The following KCNMB1 variants were observed in gnomAD, a reference collection of about 807,000 sequenced individuals.
The protein encoded by KCNMB1 is calcium-activated potassium channel subunit beta-1.
In KCNMB1, 22 loss-of-function variants were observed where a neutral mutation model predicts 21.7. The ratio of observed to expected loss-of-function variants is 1.01; its 90% confidence interval spans 0.72 to 1.45. The LOEUF is 1.45. Among genes scored for constraint, KCNMB1 ranks in the 40% most tolerant of loss-of-function variants. The pLI, the probability that KCNMB1 is intolerant of heterozygous loss-of-function variation, is 0.00. For synonymous variants in KCNMB1, 114 were observed against 107.6 expected (o/e 1.06, Z -0.37); for missense variants, 243 against 243.4 (o/e 1.00, Z 0.01).
At chr5:170,388,680 G>A (rs1373984940) in intron 1 of KCNMB1, among the ~76,000 whole-genome samples, 1 of 152,182 alleles carries the variant, frequency 6.6e-6, no homozygotes, top group Non-Finnish European at 1.5e-5. Flanking sequence ...GTTTGGTGGG[G>A]TGTGGACAGG....
chr5:170,380,045 C>T (rs12515331), intron 3 of KCNMB1, among the ~76,000 whole-genome samples: 4,016 of 151,942 alleles, frequency 0.026, 116 homozygotes, highest in African/African-American at 0.067. Context: ...TGTTGGCAAG[C>T]GGGTATTTGA....
Position 170,385,945 on chromosome 5 carries a change from C to A in KCNMB1, c.-24-474G>T, listed in dbSNP as rs187342355. Among the ~76,000 whole-genome samples the A allele has an allele frequency of 1.8e-3, 266 of 151,746 alleles. 2 individuals carry two copies. The highest frequency in any genetic ancestry group is 6.1e-3 in the African/African-American group (252 of 41,360). ...CCATCCTGGCTAACATGGTGAAACCCCATCTCTACTAAAAAAAAAAAATAC... is the reference window on the plus strand; with the variant it reads ...CCATCCTGGCTAACATGGTGAAACCACATCTCTACTAAAAAAAAAAAATAC... On this transcript the variant is annotated intron_variant, in intron 1 of 3. Coordinates refer to ENST00000274629, the MANE Select transcript of KCNMB1 (RefSeq NM_004137.4).
intron 2 of KCNMB1, 106 bp from the exon 3 acceptor site, chr5:170,383,956 A>C: frequency 2.6e-6 from 3 of 1,159,592 alleles, no homozygotes; most frequent in Non-Finnish European, 3.7e-6. Flanking sequence ...GGGATCCAGG[A>C]CTGGGATCCT....
chr5:170,374,836 G>A lies in KCNMB1; in HGVS notation c.*3868C>T, dbSNP rs1431676817. On this transcript the variant is annotated 3_prime_UTR_variant, in exon 4 of 4. Transcript: ENST00000274629. ...GTTCTGTGAGCAGCAGACAGTTGTG[G>A]CATTTGCTAGAAGGCCAGTCTTTAT... 1 of 152,178 alleles carries A rather than the reference G, an allele frequency of 6.6e-6. No homozygotes were observed. The highest frequency in any genetic ancestry group is 1.5e-5 in the Non-Finnish European group (1 of 68,040). 9.4% of individuals were successfully genotyped at this position (152,178 alleles called of 1,614,324 possible).
At position 170,376,317 on chromosome 5, in the gene KCNMB1, C is replaced by A. The variant is rs556197589; in HGVS notation, c.*2387G>T. The A allele has an allele frequency of 1.3e-5, 2 of 151,958 alleles. No individual in the cohort carries two copies. Among genetic ancestry groups the A allele is most frequent in the Non-Finnish European group, 2.9e-5 (2 of 68,026 alleles). 9.4% of individuals were successfully genotyped at this position (151,958 alleles called of 1,614,324 possible). ...CTGGGACTACAGGCGGCTACCACCACGCCCGGCTATGATTTTTTCTATTTT... is the reference window on the plus strand; with the variant it reads ...CTGGGACTACAGGCGGCTACCACCAAGCCCGGCTATGATTTTTTCTATTTT... On this transcript the variant is annotated 3_prime_UTR_variant, in exon 4 of 4. Transcript: ENST00000274629.
Position 170,378,664 on chromosome 5 carries a change from C to T in KCNMB1, c.*40G>A, listed in dbSNP as rs112121155. ...AGCAGCCCTGGGGGCCCAGCCAGTC[C>T]CCTGTGCCCTGACAAGTGGTATGGC... is the stretch of plus-strand genomic sequence containing the variant. On this transcript the variant is annotated 3_prime_UTR_variant, in exon 4 of 4. Coordinates refer to ENST00000274629, the MANE Select transcript of KCNMB1 (RefSeq NM_004137.4). 3.0e-4 allele frequency: 461 copies of T among 1,554,430 alleles called. No homozygotes were observed. The highest frequency in any genetic ancestry group is 3.8e-4 in the Non-Finnish European group (441 of 1,152,630).
At chr5:170,382,346 T>G (rs1228465659) in intron 3 of KCNMB1, among the ~76,000 whole-genome samples, 2 of 152,228 alleles carry the variant, frequency 1.3e-5, no homozygotes, top group Non-Finnish European at 2.9e-5. Context: ...TTTTTAAGAC[T>G]CTTACAGGGT....
At chr5:170,385,184 G>A in intron 2 of KCNMB1, 130 bp downstream of exon 2, 1 of 990,334 alleles carries the variant, frequency 1.0e-6, no homozygotes, top group Non-Finnish European at 1.6e-6. Context: ...ACCTAAGAAT[G>A]AGCATCGTCT....
In KCNMB1 at chr5:170,375,513, T is replaced by C; in HGVS notation, c.*3191A>G. On this transcript the variant is annotated 3_prime_UTR_variant, in exon 4 of 4. Coordinates refer to ENST00000274629, the MANE Select transcript of KCNMB1 (RefSeq NM_004137.4). The stretch of plus-strand genomic sequence containing the variant: ...GCAACGCAGCTCCCTGCCTGGCCCC[T>C]GTGGCTTTGAGTGGCTGTGTCCCTC... The C allele has an allele frequency of 6.5e-6, 1 of 153,062 alleles. No individual in the cohort carries two copies. The highest frequency in any genetic ancestry group is 1.5e-5 in the Non-Finnish European group (1 of 68,560). 9.5% of individuals were successfully genotyped at this position (153,062 alleles called of 1,614,324 possible). A position where few individuals can be genotyped will look rare whatever the true frequency, so the allele number is the denominator to read the frequency against.
rs1232407350 is a variant in KCNMB1 at position 170,378,806 on chromosome 5, G to A, written c.474C>T (p.Leu158=). The A allele has an allele frequency of 6.2e-7, 1 of 1,614,254 alleles. No homozygotes were observed. ...GGAAGGTGGGCCAGAAGAGGGAGAAGAGGAGGGCCTGGGGCCCGTAGAGGC... is the reference window on the plus strand; with the variant it reads ...GGAAGGTGGGCCAGAAGAGGGAGAAAAGGAGGGCCTGGGGCCCGTAGAGGC... ...FQRLYGPQAL[L]FSLFWPTFLL... Residue 158 remains leucine (L), a synonymous_variant, in exon 4 of 4, where the codon CTC becomes CTT. Transcript: ENST00000274629.
intron 3 of KCNMB1, among the ~76,000 whole-genome samples, chr5:170,380,475 A>G (rs1344928302): frequency 6.6e-6 from 1 of 152,218 alleles, no homozygotes; most frequent in African/African-American, 2.4e-5. Flanking sequence ...CTGGATTTAT[A>G]TGAGGTGCCA....
At chr5:170,381,547 C>A (rs554204955) in intron 3 of KCNMB1, among the ~76,000 whole-genome samples, 1 of 152,310 alleles carries the variant, frequency 6.6e-6, no homozygotes, top group African/African-American at 2.4e-5. Flanking sequence ...AGCCCACAAC[C>A]CAGCTGCTTG....
At chr5:170,380,416 C>A (rs1288008726) in intron 3 of KCNMB1, among the ~76,000 whole-genome samples, 1 of 152,212 alleles carries the variant, frequency 6.6e-6, no homozygotes, top group Non-Finnish European at 1.5e-5. Context: ...AAAACTGAGA[C>A]CCAAATGGCA....
At chr5:170,380,357 A>T (rs1415452437) in intron 3 of KCNMB1, among the ~76,000 whole-genome samples, 2 of 152,198 alleles carry the variant, frequency 1.3e-5, no homozygotes, top group African/African-American at 4.8e-5. Flanking sequence ...TGATTCCTTC[A>T]TGCACTTAAT....
rs149612826 is a variant in KCNMB1 at position 170,388,596 on chromosome 5, G to A, written c.-25+663C>T. Among the ~76,000 whole-genome samples, 990 of 152,322 alleles carry A rather than the reference G, an allele frequency of 6.5e-3. 13 individuals carry two copies. Among genetic ancestry groups the A allele is most frequent in the African/African-American group, 0.022 (935 of 41,580 alleles). ...ACAAAGGAAGGCAGGACTTTGGAGT[G>A]TCCTGGGTGACCTGATAGCTGGGTC... On this transcript the variant is annotated intron_variant, in intron 1 of 3. Coordinates refer to ENST00000274629, the MANE Select transcript of KCNMB1 (RefSeq NM_004137.4).
rs1764093321 is a variant in KCNMB1 at position 170,378,422 on chromosome 5, A to C, written c.*282T>G. ...GTGGGGCACATAGTGATGCAGCCGGAAACAGGTATGAGTCAGTTGAGTGGG... is the reference window on the plus strand; with the variant it reads ...GTGGGGCACATAGTGATGCAGCCGGCAACAGGTATGAGTCAGTTGAGTGGG... On this transcript the variant is annotated 3_prime_UTR_variant, in exon 4 of 4. Coordinates refer to ENST00000274629, the MANE Select transcript of KCNMB1 (RefSeq NM_004137.4). The C allele has an allele frequency of 2.6e-6, 1 of 378,394 alleles. No homozygotes were observed. The highest frequency in any genetic ancestry group is 4.7e-6 in the Non-Finnish European group (1 of 212,176). The allele number at this position is 378,394 out of a possible 1,614,324, so 23.4% of individuals were successfully genotyped here. A position where few individuals can be genotyped will look rare whatever the true frequency, so the allele number is the denominator to read the frequency against.
chr5:170,379,028 A>G, intron 3 of KCNMB1, 55 bp from the exon 4 acceptor site: 2 of 1,581,930 alleles, frequency 1.3e-6, no homozygotes, highest in Non-Finnish European at 1.7e-6. Context: ...TTCTTAGCCA[A>G]GGGCTTGATA....
chr5:170,385,542 G>A, intron 1 of KCNMB1, 71 bp from the exon 2 acceptor site: 1 of 1,377,910 alleles, frequency 7.3e-7, no homozygotes, highest in Non-Finnish European at 1.0e-6. Flanking sequence ...GAGAGGACAG[G>A]TGAGAGGGGA....
Position 170,377,809 on chromosome 5 carries a change from T to A in KCNMB1, c.*895A>T, listed in dbSNP as rs1241734178. The A allele has an allele frequency of 6.6e-6, 1 of 152,238 alleles. No individual in the cohort carries two copies. The highest frequency in any genetic ancestry group is 1.5e-5 in the Non-Finnish European group (1 of 68,116). The allele number at this position is 152,238 out of a possible 1,614,324, so 9.4% of individuals were successfully genotyped here. A position where few individuals can be genotyped will look rare whatever the true frequency, so the allele number is the denominator to read the frequency against. ...GGATGGTCTTGATCTCCTGACCTCGTGATCCACCAGCCTCGGCCTCCCAAA... is the reference window on the plus strand; with the variant it reads ...GGATGGTCTTGATCTCCTGACCTCGAGATCCACCAGCCTCGGCCTCCCAAA... On this transcript the variant is annotated 3_prime_UTR_variant, in exon 4 of 4. Transcript: ENST00000274629.
Sources: gnomAD v4.1 joint callset for allele counts (sites outside exome capture counted in the v4.1 genomes callset) on GRCh38, gnomAD v4.1.1 for gene constraint, MANE v1.5 for transcripts, NCBI Gene and HGNC (gene_info 2026-07-23, HGNC 2026-07-21) for gene names.